EYA1: variants seen among roughly 807,000 people sequenced by gnomAD.
EYA1 encodes protein phosphatase EYA1.
A neutral mutation model predicts 82.0 loss-of-function variants in EYA1; 16 were observed. The ratio of observed to expected loss-of-function variants is 0.20; its 90% CI spans 0.13 to 0.30. The LOEUF (loss-of-function observed/expected upper bound fraction) is 0.30. EYA1 is among the 10% of genes least tolerant of loss of function. EYA1 has a pLI of 1.00. For synonymous variants in EYA1, 261 were observed against 264.4 expected (o/e 0.99, Z 0.12); for missense variants, 633 against 730.7 (o/e 0.87, Z 1.54).
chr8:71,325,280 C>G (rs1338076299), intron 4 of EYA1, among the ~76,000 whole-genome samples: 2 of 152,176 alleles, frequency 1.3e-5, no homozygotes. Context: ...ACCACAGAGA[C>G]TAAGTCATCA....
chr8:71,349,511 C>T (rs971905203), intron 3 of EYA1, among the ~76,000 whole-genome samples: 1 of 152,170 alleles, frequency 6.6e-6, no homozygotes, highest in Non-Finnish European at 1.5e-5. Context: ...TAATTACAAG[C>T]CATGTGCCTT....
intron 2 of EYA1, among the ~76,000 whole-genome samples, chr8:71,491,413 A>T (rs536703068): frequency 3.4e-4 from 52 of 152,288 alleles, no homozygotes; most frequent in African/African-American, 1.2e-3. Context: ...TAAACGCTAC[A>T]CTGTGTCTCC....
At position 71,477,945 on chromosome 8, in the gene EYA1, G is replaced by A. The variant is rs150159579; in HGVS notation, c.33+57799C>T. ...TGCTGCTATAACATGGATGAACCTT[G>A]AAGACATTGGGTTAAGTCAAAGAAG... On this transcript the variant is annotated intron_variant, in intron 2 of 18. Transcript: ENST00000643681. Among the ~76,000 whole-genome samples, 8 of 152,228 alleles carry A rather than the reference G, an allele frequency of 5.3e-5. No individual in the cohort carries two copies. In the East Asian group the frequency reaches 1.5e-3, roughly 29 times the overall value.
rs564509734 is a variant in EYA1 at position 71,330,542 on chromosome 8, T to C, written c.202+3555A>G. ...ATGTACTTGAAAGACATTTTTCTTTTCCTCATCTTCACTCCCCCACATTAT... is the reference window on the plus strand; with the variant it reads ...ATGTACTTGAAAGACATTTTTCTTTCCCTCATCTTCACTCCCCCACATTAT... On this transcript the variant is annotated intron_variant, in intron 4 of 17. Transcript: ENST00000340726. 2.0e-5 allele frequency among the ~76,000 whole-genome samples: 3 copies of C among 152,262 alleles called. No homozygotes were observed. In the South Asian group the frequency reaches 6.2e-4, roughly 32 times the overall value.
chr8:71,228,453 A>G (rs990381065), intron 12 of EYA1, among the ~76,000 whole-genome samples: 1 of 148,230 alleles, frequency 6.7e-6, no homozygotes, highest in African/African-American at 2.6e-5. Flanking sequence ...CCCGAAAGGA[A>G]AAAAAAAAGG....
intron 2 of EYA1, among the ~76,000 whole-genome samples, chr8:71,373,551 G>A (rs1828201090): frequency 6.6e-6 from 1 of 152,134 alleles, no homozygotes; most frequent in South Asian, 2.1e-4. Context: ...TTGTTAAAAT[G>A]TCAGTACTAC....
chr8:71,358,283 C>T (rs535633037), intron 1 of EYA1, among the ~76,000 whole-genome samples: 3 of 152,192 alleles, frequency 2.0e-5, no homozygotes, highest in Admixed American at 2.0e-4. Flanking sequence ...ATTAGTCTAC[C>T]ACATTTCAGT....
chr8:71,513,419 AAT>A (rs1443020447), intron 2 of EYA1, among the ~76,000 whole-genome samples: 4 of 152,268 alleles, frequency 2.6e-5, no homozygotes, highest in African/African-American at 9.6e-5. Context: ...TAGTTTAAAA[AAT>A]AGTCTGTCTG....
At chr8:71,383,492 G>T (rs1016106487) in intron 2 of EYA1, among the ~76,000 whole-genome samples, 1 of 151,810 alleles carries the variant, frequency 6.6e-6, no homozygotes, top group Admixed American at 6.6e-5. Context: ...TTAATATTGT[G>T]GTATATTTGC....
chr8:71,330,174 G>A (rs1394779081), intron 4 of EYA1, among the ~76,000 whole-genome samples: 2 of 152,160 alleles, frequency 1.3e-5, no homozygotes, highest in Non-Finnish European at 2.9e-5. Context: ...CCGTAGAGCC[G>A]AATGGGAGCC....
chr8:71,348,750 C>CTT (rs759118063), intron 3 of EYA1, among the ~76,000 whole-genome samples: 99 of 152,300 alleles, frequency 6.5e-4, no homozygotes, highest in African/African-American at 2.3e-3. Flanking sequence ...CACTGGACTC[C>CTT]TTGCTGATCC....
chr8:71,327,853 CTTTTTTTT>C (rs71555578), intron 4 of EYA1, among the ~76,000 whole-genome samples: 1 of 110,204 alleles, frequency 9.1e-6, no homozygotes, highest in African/African-American at 3.5e-5. Flanking sequence ...TCTTTAAGTT[CTTTTTTTT>C]TTTTTTTTTT....
At chr8:71,339,907 T>G (rs1419450686) in intron 3 of EYA1, among the ~76,000 whole-genome samples, 4 of 152,106 alleles carry the variant, frequency 2.6e-5, no homozygotes, top group Non-Finnish European at 5.9e-5. Context: ...GGTTCTAAAA[T>G]TTCATCTCCT....
At chr8:71,232,302 G>A (rs1406410481) in intron 12 of EYA1, among the ~76,000 whole-genome samples, 1 of 152,218 alleles carries the variant, frequency 6.6e-6, no homozygotes, top group African/African-American at 2.4e-5. Context: ...GTCAGTCCAA[G>A]CGGCCTGAGA....
chr8:71,260,986 A>G (rs552246919), intron 11 of EYA1, among the ~76,000 whole-genome samples: 2 of 152,136 alleles, frequency 1.3e-5, no homozygotes, highest in South Asian at 2.1e-4. Flanking sequence ...TCCCCATCCA[A>G]GATCTTTTGT....
At chr8:71,450,683 C>T (rs1052764947) in intron 2 of EYA1, among the ~76,000 whole-genome samples, 1 of 152,114 alleles carries the variant, frequency 6.6e-6, no homozygotes, top group Non-Finnish European at 1.5e-5. Flanking sequence ...TTGCCACAAA[C>T]CTTCTATTCA....
intron 3 of EYA1, among the ~76,000 whole-genome samples, chr8:71,343,847 A>G (rs868519694): frequency 6.6e-6 from 1 of 152,184 alleles, no homozygotes; most frequent in Non-Finnish European, 1.5e-5. Context: ...GTTTATTTGT[A>G]TACAGTAAAA....
chr8:71,281,787 C>T (rs1304554068), intron 9 of EYA1, among the ~76,000 whole-genome samples: 1 of 152,152 alleles, frequency 6.6e-6, no homozygotes, highest in Non-Finnish European at 1.5e-5. Flanking sequence ...ACAAGGGGCC[C>T]ACCAGTTTTG....
intron 12 of EYA1, among the ~76,000 whole-genome samples, chr8:71,237,240 T>C (rs1489637932): frequency 1.3e-5 from 2 of 152,046 alleles, no homozygotes; most frequent in Admixed American, 1.3e-4. Flanking sequence ...TTAGTAGAGA[T>C]GGGGTCTCAC....
Sources: gnomAD v4.1 joint callset for allele counts (sites outside exome capture counted in the v4.1 genomes callset) on GRCh38, gnomAD v4.1.1 for gene constraint, MANE v1.5 for transcripts, NCBI Gene and HGNC (gene_info 2026-07-23, HGNC 2026-07-21) for gene names.